Variants in AKR1C3 observed in about 807,000 individuals in gnomAD.
AKR1C3 encodes the protein aldo-keto reductase family 1 member C3.
In AKR1C3, 48 loss-of-function variants were observed where a neutral mutation model predicts 43.6. The ratio of observed to expected loss-of-function variants is 1.10; its 90% confidence interval spans 0.87 to 1.40. AKR1C3 has a LOEUF of 1.40. AKR1C3 is among the 40% of genes most tolerant of loss of function. The pLI, the probability that AKR1C3 is intolerant of heterozygous loss-of-function variation, is 0.00. For synonymous variants in AKR1C3, 162 were observed against 139.6 expected, an observed-to-expected ratio of 1.16 and a Z score of -1.13; for missense variants, 482 against 391.2, an observed-to-expected ratio of 1.23 and a Z score of -1.96.
chr10:5,091,946 T>C (rs1204168754), upstream of AKR1C3, among the ~76,000 whole-genome samples: 1 of 152,166 alleles, frequency 6.6e-6, no homozygotes, highest in Non-Finnish European at 1.5e-5. Flanking sequence ...TATTTTAAGC[T>C]GAATTAGTCC....
chr10:5,056,056 C>T (rs1000347162), intron 1 of AKR1C3, among the ~76,000 whole-genome samples: 9 of 152,126 alleles, frequency 5.9e-5, no homozygotes, highest in Non-Finnish European at 4.4e-5. Flanking sequence ...CCTTGATTAG[C>T]TAGAAAGTTC....
In AKR1C3 at chr10:5,087,165, C is replaced by A. The variant is rs551419339; in HGVS notation, c.85-9245C>A. ...TTGATGCAGTTTCTTCCTAGCCTCG[C>A]TGGTCTTTACAATTTGGCATGTTTT... On this transcript the variant is annotated intron_variant, in intron 1 of 8. Transcript: ENST00000439082. Among the ~76,000 whole-genome samples the A allele has an allele frequency of 8.4e-3, 1,286 of 152,240 alleles. 17 individuals are homozygous for A. Among genetic ancestry groups the A allele is most frequent in the African/African-American group, 0.029 (1,200 of 41,536 alleles).
At chr10:5,081,942 T>C (rs140957436) in intron 1 of AKR1C3, 1 of 152,306 alleles carries the variant, frequency 6.6e-6, no homozygotes, top group African/African-American at 2.4e-5. Flanking sequence ...ATCTCCAAGT[T>C]GCAAGAGAGA....
chr10:5,055,871 A>G (rs967481646), intron 1 of AKR1C3, among the ~76,000 whole-genome samples: 4 of 152,226 alleles, frequency 2.6e-5, no homozygotes, highest in Non-Finnish European at 5.9e-5. Flanking sequence ...CATAGTCGGC[A>G]AAAGCCGGTA....
intron 7 of AKR1C3, among the ~76,000 whole-genome samples, chr10:5,104,818 A>T (rs1021956951): frequency 5.3e-5 from 8 of 152,170 alleles, no homozygotes; most frequent in Non-Finnish European, 1.2e-4. Flanking sequence ...ACTGAAAATT[A>T]TTAGAACCTC....
intron 1 of AKR1C3, among the ~76,000 whole-genome samples, chr10:5,085,523 G>C (rs1838944318): frequency 1.3e-5 from 2 of 151,778 alleles, no homozygotes; most frequent in Admixed American, 1.3e-4. Flanking sequence ...CAGGGACATT[G>C]GTCTAAAATT....
intron 1 of AKR1C3, 133 bp downstream of exon 1, chr10:5,094,661 G>A (rs1472696355): frequency 2.4e-5 from 23 of 941,272 alleles, no homozygotes; most frequent in Admixed American, 4.5e-5. Flanking sequence ...CCTAGGCTAG[G>A]AGAAAAAAGT....
intron 8 of AKR1C3, among the ~76,000 whole-genome samples, chr10:5,106,261 C>T (rs4641368): frequency 0.2 from 31,033 of 152,070 alleles, 4,001 homozygotes; most frequent in East Asian, 0.63. Flanking sequence ...TGAATAGGAG[C>T]GCTTGTCCTT....
chr10:5,048,907 GT>G, intron 1 of AKR1C3: 4 of 1,609,384 alleles, frequency 2.5e-6, no homozygotes, highest in Non-Finnish European at 2.6e-6. Flanking sequence ...TAATAATAAT[GT>G]TTTTGGTGCA....
intron 1 of AKR1C3, among the ~76,000 whole-genome samples, chr10:5,050,341 T>C (rs544853094): frequency 6.6e-6 from 1 of 151,740 alleles, no homozygotes; most frequent in East Asian, 1.9e-4. Context: ...ATAATGAAAT[T>C]TTAAAATCAA....
chr10:5,057,180 T>G (rs990606883), intron 1 of AKR1C3, among the ~76,000 whole-genome samples: 7 of 152,182 alleles, frequency 4.6e-5, no homozygotes, highest in African/African-American at 9.7e-5. Flanking sequence ...GGGGGCAGCT[T>G]GTTTCTCATT....
Position 5,107,448 on chromosome 10 carries a change from A to T in AKR1C3, c.930-13A>T. ...AGTCATTGCATTTATATTATACATT[A>T]TTCTCTTTTCAGTTTTGCTAGCCAC... On this transcript the variant is annotated splice_polypyrimidine_tract_variant and intron_variant, in intron 8 of 8. Transcript: ENST00000380554. The T allele has an allele frequency of 6.5e-7, 1 of 1,530,130 alleles. No individual in the cohort carries two copies. Among genetic ancestry groups the T allele is most frequent in the Non-Finnish European group, 9.1e-7 (1 of 1,104,002 alleles). 94.8% of individuals were successfully genotyped at this position (1,530,130 alleles called of 1,614,324 possible).
At chr10:5,077,771 GTT>G in intron 1 of AKR1C3, 1 of 967,938 alleles carries the variant, frequency 1.0e-6, no homozygotes, top group Non-Finnish European at 1.3e-6. Flanking sequence ...TGCCCATTTA[GTT>G]TTACATTAAC....
intron 1 of AKR1C3, among the ~76,000 whole-genome samples, chr10:5,065,091 T>C (rs1020218481): frequency 3.3e-5 from 5 of 152,200 alleles, no homozygotes; most frequent in African/African-American, 1.2e-4. Flanking sequence ...AGAATGGCTA[T>C]TACTAAAAAG....
intron 7 of AKR1C3, among the ~76,000 whole-genome samples, chr10:5,103,010 C>T (rs959077426): frequency 6.6e-6 from 1 of 151,770 alleles, no homozygotes; most frequent in Admixed American, 6.6e-5. Flanking sequence ...CTGCCTCAGC[C>T]TCCTGAGTAG....
intron 1 of AKR1C3, chr10:5,048,982 G>C (rs150297572): frequency 3.8e-6 from 4 of 1,043,738 alleles, no homozygotes; most frequent in Non-Finnish European, 1.5e-6. Flanking sequence ...GTTTGTGTTC[G>C]TGTATTACTC....
At chr10:5,098,068 T>G in intron 3 of AKR1C3, 1 of 995,892 alleles carries the variant, frequency 1.0e-6, no homozygotes, top group Non-Finnish European at 1.2e-6. Flanking sequence ...TGAAGCTGTA[T>G]TTAGCCAGGA....
At chr10:5,099,488 G>A (rs1839296366) in intron 5 of AKR1C3, 39 bp downstream of exon 5, 1 of 1,613,622 alleles carries the variant, frequency 6.2e-7, no homozygotes, top group Non-Finnish European at 8.5e-7. Context: ...GGTTCTTCAT[G>A]CCCCCTCTTC....
At chr10:5,084,234 A>G (rs1464177255) in intron 1 of AKR1C3, among the ~76,000 whole-genome samples, 8 of 151,828 alleles carry the variant, frequency 5.3e-5, no homozygotes, top group African/African-American at 1.9e-4. Context: ...TCTTTAATCC[A>G]TCTTGAATTG....
Sources: gnomAD v4.1 joint callset for allele counts (sites outside exome capture counted in the v4.1 genomes callset) on GRCh38, gnomAD v4.1.1 for gene constraint, MANE v1.5 for transcripts, NCBI Gene and HGNC (gene_info 2026-07-23, HGNC 2026-07-21) for gene names.